DOCK1: variants seen among roughly 807,000 people sequenced by gnomAD.
The protein encoded by DOCK1 is dedicator of cytokinesis 1.
Under a neutral mutation model 262.7 loss-of-function variants are expected in DOCK1, and 138 were observed. The observed-to-expected ratio is 0.53, with a 90% confidence interval of 0.46 to 0.61. The LOEUF is 0.61. Ranked by LOEUF, DOCK1 falls within the 20% of genes least tolerant of loss-of-function variation. The pLI is 0.00. For missense variants in DOCK1, 1,908 were observed against 2,370.7 expected (o/e 0.80, Z 4.05); for synonymous variants, 866 against 867.4 (o/e 1.00, Z 0.03).
chr10:127,020,579 A>AAC (rs1554865109), intron 13 of DOCK1, among the ~76,000 whole-genome samples: 13 of 152,026 alleles, frequency 8.6e-5, no homozygotes, highest in African/African-American at 2.9e-4. Flanking sequence ...AAAAAAAAAA[A>AAC]AACTAAGTCT....
chr10:127,280,283 C>T (rs2060910632), intron 29 of DOCK1, among the ~76,000 whole-genome samples: 1 of 152,032 alleles, frequency 6.6e-6, no homozygotes, highest in Non-Finnish European at 1.5e-5. Flanking sequence ...ATCCGCCCGC[C>T]TCGGCCTCCC....
intron 25 of DOCK1, among the ~76,000 whole-genome samples, chr10:127,119,487 G>A (rs139837258): frequency 2.6e-5 from 4 of 152,320 alleles, no homozygotes; most frequent in African/African-American, 4.8e-5. Context: ...TGTCGGCACC[G>A]TCTTCTGTAT....
At chr10:127,268,787 G>A (rs1474082385) in intron 29 of DOCK1, among the ~76,000 whole-genome samples, 1 of 152,090 alleles carries the variant, frequency 6.6e-6, no homozygotes, top group East Asian at 1.9e-4. Flanking sequence ...TTTGATTTGG[G>A]GTGGTGTTTG....
chr10:127,396,163 A>T (rs139381372), intron 38 of DOCK1, among the ~76,000 whole-genome samples: 1 of 147,338 alleles, frequency 6.8e-6, no homozygotes, highest in East Asian at 2.0e-4. Context: ...GCTGCATTCA[A>T]GAATCCCGGG....
intron 46 of DOCK1, among the ~76,000 whole-genome samples, chr10:127,424,226 C>T (rs554731857): frequency 1.3e-5 from 2 of 152,304 alleles, no homozygotes; most frequent in South Asian, 2.1e-4. Context: ...TTCCCATCAA[C>T]GTCAGGAACT....
At chr10:127,350,267 T>TA (rs34989670) in intron 31 of DOCK1, among the ~76,000 whole-genome samples, 80,260 of 151,280 alleles carry the variant, frequency 0.53, 21,469 homozygotes, top group Admixed American at 0.59. Context: ...GGGGACGCTT[T>TA]AAAAAAAACC....
intron 27 of DOCK1, among the ~76,000 whole-genome samples, chr10:127,197,226 T>C (rs1001377438): frequency 1.3e-5 from 2 of 152,024 alleles, no homozygotes; most frequent in African/African-American, 4.8e-5. Context: ...CCACTGCCAC[T>C]CCTAGCCAGG....
rs1352359889 is a variant in DOCK1 at position 127,384,705 on chromosome 10, C to T, written c.3808-85C>T. On this transcript the variant is annotated intron_variant, in intron 37 of 51. Transcript: ENST00000623213. The stretch of plus-strand genomic sequence containing the variant: ...CATGTCTCCAGAACCGCGGCCCACA[C>T]GCGTGTCCGATGCGAAGCTCACACC... The T allele has an allele frequency of 2.2e-5, 32 of 1,422,528 alleles. No individual in the cohort carries two copies. In the Middle Eastern group the frequency reaches 1.5e-3, roughly 67 times the overall value. The allele number at this position is 1,422,528 out of a possible 1,614,324, so 88.1% of individuals were successfully genotyped here.
chr10:127,391,352 G>A (rs2066466500), intron 38 of DOCK1, among the ~76,000 whole-genome samples: 1 of 152,118 alleles, frequency 6.6e-6, no homozygotes, highest in South Asian at 2.1e-4. Flanking sequence ...ATACAGATGA[G>A]GCAAATAGGA....
intron 47 of DOCK1, 102 bp downstream of exon 47, chr10:127,426,113 A>T (rs1300878145): frequency 2.8e-5 from 44 of 1,549,962 alleles, no homozygotes; most frequent in Non-Finnish European, 8.7e-7. Context: ...ACATGTACAC[A>T]TGGTGCCCGC....
intron 48 of DOCK1, among the ~76,000 whole-genome samples, chr10:127,436,961 G>A (rs147839358): frequency 3.9e-5 from 6 of 151,958 alleles, no homozygotes; most frequent in Non-Finnish European, 7.4e-5. Flanking sequence ...TAATTTATTT[G>A]TGGGAAATCC....
At chr10:127,316,810 C>T (rs542253563) in intron 29 of DOCK1, among the ~76,000 whole-genome samples, 31 of 152,290 alleles carry the variant, frequency 2.0e-4, no homozygotes, top group Non-Finnish European at 3.4e-4. Flanking sequence ...CAAACACCTG[C>T]TCTGCCCCAC....
intron 44 of DOCK1, among the ~76,000 whole-genome samples, chr10:127,417,077 C>T (rs1350265381): frequency 6.6e-6 from 1 of 152,212 alleles, no homozygotes; most frequent in African/African-American, 2.4e-5. Flanking sequence ...TCATCTCTGC[C>T]CTGCCCCACC....
intron 23 of DOCK1, among the ~76,000 whole-genome samples, chr10:127,080,414 A>G (rs930202378): frequency 3.3e-5 from 5 of 152,002 alleles, no homozygotes; most frequent in Non-Finnish European, 7.4e-5. Context: ...CCCCTCCCAT[A>G]GCCGACCCCC....
At chr10:127,362,829 C>T (rs145171494) in intron 33 of DOCK1, among the ~76,000 whole-genome samples, 1 of 16,068 alleles carries the variant, frequency 6.2e-5, no homozygotes, top group Non-Finnish European at 1.3e-4. Context: ...GCACCCACAC[C>T]CACACATACA....
At chr10:127,018,072 A>C (rs960066485) in intron 12 of DOCK1, among the ~76,000 whole-genome samples, 2 of 152,086 alleles carry the variant, frequency 1.3e-5, no homozygotes, top group African/African-American at 4.8e-5. Flanking sequence ...GAAAGTCTTC[A>C]TTTCTCTCTT....
At chr10:127,032,934 T>G (rs2043339569) in intron 18 of DOCK1, among the ~76,000 whole-genome samples, 1 of 152,126 alleles carries the variant, frequency 6.6e-6, no homozygotes, top group African/African-American at 2.4e-5. Context: ...TAGCGTGACA[T>G]AAAGGAAAGT....
At chr10:127,307,867 G>T (rs189351865) in intron 29 of DOCK1, among the ~76,000 whole-genome samples, 6 of 152,190 alleles carry the variant, frequency 3.9e-5, no homozygotes, top group Non-Finnish European at 8.8e-5. Flanking sequence ...TCTCCTGTCC[G>T]TGAGTTTTCC....
At chr10:127,180,748 A>G (rs1405918922) in intron 27 of DOCK1, among the ~76,000 whole-genome samples, 1 of 152,248 alleles carries the variant, frequency 6.6e-6, no homozygotes, top group Non-Finnish European at 1.5e-5. Context: ...TATGGTTTAC[A>G]TTCACTCTGG....
Sources: gnomAD v4.1 joint callset for allele counts (sites outside exome capture counted in the v4.1 genomes callset) on GRCh38, gnomAD v4.1.1 for gene constraint, MANE v1.5 for transcripts, NCBI Gene and HGNC (gene_info 2026-07-23, HGNC 2026-07-21) for gene names.